The following SPAG17 variants were observed in gnomAD, a reference collection of about 807,000 sequenced individuals.
SPAG17 encodes sperm associated antigen 17, also known as sperm-associated antigen 17.
In SPAG17, 169 loss-of-function variants were observed where a neutral mutation model predicts 273.6. That is an observed-to-expected ratio of 0.62 (90% CI 0.55 to 0.70). The LOEUF (loss-of-function observed/expected upper bound fraction) is 0.70. Among genes scored for constraint, SPAG17 ranks in the 30% least tolerant of loss-of-function variants. The pLI is 0.00. For missense variants in SPAG17, 2,557 were observed against 2,627.8 expected (o/e 0.97, Z 0.59); for synonymous variants, 825 against 873.2 (o/e 0.94, Z 0.97).
At chr1:118,028,159 C>T in intron 26 of SPAG17, 115 bp downstream of exon 26, 1 of 1,236,494 alleles carries the variant, frequency 8.1e-7, no homozygotes, top group Non-Finnish European at 1.1e-6. Context: ...TGAAAACAGT[C>T]TATTGTTCAT....
intron 32 of SPAG17, among the ~76,000 whole-genome samples, chr1:118,000,310 T>C (rs1272321984): frequency 6.6e-6 from 1 of 152,224 alleles, no homozygotes; most frequent in Non-Finnish European, 1.5e-5. Flanking sequence ...ATGTGGGCTC[T>C]TTCTTGGTTC....
rs560631956 is a variant in SPAG17 at position 118,075,049 on chromosome 1, G to A, written c.2210-449C>T. 1.1e-3 allele frequency among the ~76,000 whole-genome samples: 170 copies of A among 152,312 alleles called. 2 individuals carry two copies. The highest frequency in any genetic ancestry group is 3.8e-3 in the African/African-American group (159 of 41,576). On this transcript the variant is annotated intron_variant, in intron 15 of 48. Coordinates refer to ENST00000336338, the MANE Select transcript of SPAG17 (RefSeq NM_206996.4). ...AGACTAGGGTGGGGGCAGGCCATGC[G>A]TGCAAAGAGGCACTGGCAGATAAGT...
intron 1 of SPAG17, among the ~76,000 whole-genome samples, chr1:118,167,481 G>C (rs1660226950): frequency 6.6e-6 from 1 of 152,000 alleles, no homozygotes; most frequent in Non-Finnish European, 1.5e-5. Flanking sequence ...GAAACATTAA[G>C]AAAAATAACC....
chr1:117,970,006 G>A (rs745913303), intron 46 of SPAG17, 50 bp downstream of exon 46: 28 of 1,551,466 alleles, frequency 1.8e-5, no homozygotes, highest in Non-Finnish European at 7.1e-6. Flanking sequence ...CCTATACATA[G>A]TCACTTGCAT....
Position 117,982,247 on chromosome 1 carries a change from T to A in SPAG17, c.5873-846A>T, listed in dbSNP as rs868812822. On this transcript the variant is annotated intron_variant, in intron 42 of 48. Coordinates refer to ENST00000336338, the MANE Select transcript of SPAG17 (RefSeq NM_206996.4). ...AAAATTCCTCTATCTGCTTATTTTT[T>A]TTTTTTTTTTTTGAGACGGAGTCTT... Among the ~76,000 whole-genome samples, 37 of 151,106 alleles carry A rather than the reference T, an allele frequency of 2.4e-4. No individual in the cohort carries two copies. In the South Asian group the frequency reaches 7.6e-3, roughly 31 times the overall value.
At chr1:117,961,764 A>G (rs1357930090) in intron 48 of SPAG17, 1 of 152,366 alleles carries the variant, frequency 6.6e-6, no homozygotes, top group Admixed American at 6.5e-5. Flanking sequence ...CAGAATAAAT[A>G]AGTGAATTTT....
chr1:117,971,935 A>G lies in SPAG17; in HGVS notation c.6254T>C (p.Phe2085Ser), dbSNP rs1385341451. The G allele has an allele frequency of 6.2e-7, 1 of 1,614,028 alleles. No individual in the cohort carries two copies. The highest frequency in any genetic ancestry group is 1.3e-5 in the African/African-American group (1 of 74,916). Residue 2085 changes from phenylalanine to serine, a missense_variant, in exon 45 of 49, where the codon TTT becomes TCT. Coordinates refer to ENST00000336338, the MANE Select transcript of SPAG17 (RefSeq NM_206996.4). ...GFHLLPSSVK[F>S]GVLKEGHTYA... ...GGTATGTCCTTCCTTAAGCACTCCAAACTTGACTGATGATGGGAGAAGATG... is the reference window on the plus strand; with the variant it reads ...GGTATGTCCTTCCTTAAGCACTCCAGACTTGACTGATGATGGGAGAAGATG...
intron 32 of SPAG17, among the ~76,000 whole-genome samples, chr1:117,998,716 C>T (rs554963785): frequency 3.9e-5 from 6 of 152,074 alleles, no homozygotes; most frequent in Non-Finnish European, 8.8e-5. Flanking sequence ...TTGGTTGTGT[C>T]ATCTCTGATT....
chr1:117,986,288 T>C (rs1336732789), intron 40 of SPAG17, among the ~76,000 whole-genome samples: 1 of 152,224 alleles, frequency 6.6e-6, no homozygotes, highest in African/African-American at 2.4e-5. Context: ...TTAAAATTAT[T>C]CTCACAAAAG....
chr1:118,099,883 T>G, intron 5 of SPAG17, 83 bp from the exon 6 acceptor site: 2 of 1,159,918 alleles, frequency 1.7e-6, no homozygotes, highest in Non-Finnish European at 2.5e-6. Context: ...GCTATATACA[T>G]TATGCATGCA....
In SPAG17 at chr1:117,962,365, A is replaced by G. The variant is rs1653214356; in HGVS notation, c.*1434T>C. The G allele has an allele frequency of 4.6e-5, 7 of 152,100 alleles. 1 individual carries two copies. In the South Asian group the frequency reaches 1.4e-3, roughly 31 times the overall value. 9.4% of individuals were successfully genotyped at this position (152,100 alleles called of 1,614,324 possible). ...TAAGTCAGTATTCATTGCCTTAGTC[A>G]GCCATTGGCTGTATATAATCCTTAA... On this transcript the variant is annotated intron_variant, in intron 48 of 48. Transcript: ENST00000336338.
intron 35 of SPAG17, 126 bp from the exon 36 acceptor site, chr1:117,992,774 A>G: frequency 1.2e-6 from 1 of 859,612 alleles, no homozygotes. Context: ...GTGGTGAAAA[A>G]AAATCCTTAA....
At chr1:117,997,581 A>G (rs1217825714) in intron 32 of SPAG17, among the ~76,000 whole-genome samples, 3 of 151,252 alleles carry the variant, frequency 2.0e-5, no homozygotes, top group African/African-American at 7.3e-5. Context: ...AAAAAAAAAA[A>G]AAGAAAAGAA....
In SPAG17 at chr1:118,039,365, C is replaced by T; in HGVS notation, c.3246G>A (p.Val1082=). ...AATAATCCCCTTTCTCTTCCTTTTT[C>T]ACAATTTCCTTAGGGTCATTTAAAT... ...MIHLNDPKEI[V]KKEEKGDYYL... Residue 1082 remains valine, a synonymous_variant, in exon 23 of 49, where the codon GTG becomes GTA. Transcript: ENST00000336338. The T allele has an allele frequency of 1.9e-6, 3 of 1,613,262 alleles. No individual in the cohort carries two copies. Among genetic ancestry groups the T allele is most frequent in the African/African-American group, 2.7e-5 (2 of 74,954 alleles).
intron 10 of SPAG17, among the ~76,000 whole-genome samples, chr1:118,090,195 C>T (rs923185493): frequency 6.6e-6 from 1 of 152,158 alleles, no homozygotes; most frequent in Non-Finnish European, 1.5e-5. Context: ...AGAACAGTGC[C>T]TGGCGCCTGT....
At chr1:118,069,344 C>CAAAAAAAAAA (rs563980015) in intron 17 of SPAG17, among the ~76,000 whole-genome samples, 7 of 86,148 alleles carry the variant, frequency 8.1e-5, no homozygotes, top group Non-Finnish European at 1.3e-4. Context: ...GACTCCGTCT[C>CAAAAAAAAAA]AAAAAAAAAA....
At chr1:118,111,507 C>G (rs562087172) in intron 4 of SPAG17, among the ~76,000 whole-genome samples, 8 of 150,434 alleles carry the variant, frequency 5.3e-5, no homozygotes, top group Non-Finnish European at 1.0e-4. Context: ...CAAAACTAAC[C>G]AGCCTGTAAT....
At chr1:118,040,007 T>TG (rs1649550250) in intron 22 of SPAG17, among the ~76,000 whole-genome samples, 1 of 152,188 alleles carries the variant, frequency 6.6e-6, no homozygotes, top group African/African-American at 2.4e-5. Flanking sequence ...ATCAATGTTA[T>TG]GATTCATCAA....
chr1:118,061,141 T>C (rs142036865), intron 18 of SPAG17, among the ~76,000 whole-genome samples: 10 of 152,278 alleles, frequency 6.6e-5, no homozygotes, highest in Admixed American at 3.9e-4. Context: ...GAAAATACCA[T>C]AGAAGTTTCT....
Sources: gnomAD v4.1 joint callset for allele counts (sites outside exome capture counted in the v4.1 genomes callset) on GRCh38, gnomAD v4.1.1 for gene constraint, MANE v1.5 for transcripts, NCBI Gene and HGNC (gene_info 2026-07-23, HGNC 2026-07-21) for gene names.